NEGR1: variants seen among roughly 807,000 people sequenced by gnomAD.
NEGR1 encodes the protein neuronal growth regulator 1.
NEGR1 carries 10 observed loss-of-function variants against 40.9 expected under a neutral mutation model. That is an observed-to-expected ratio of 0.24 (90% CI 0.15 to 0.42). The LOEUF is 0.42. Ranked by LOEUF, NEGR1 falls within the 10% of genes least tolerant of loss-of-function variation. NEGR1 has a pLI of 1.00. For synonymous variants in NEGR1, 185 were observed against 166.8 expected (o/e 1.11, Z -0.84); for missense variants, 352 against 438.9 (o/e 0.80, Z 1.77).
chr1:71,750,010 G>A (rs774607605), intron 3 of NEGR1, among the ~76,000 whole-genome samples: 3 of 121,566 alleles, frequency 2.5e-5, no homozygotes, highest in African/African-American at 3.6e-5. Flanking sequence ...TTTTTGAGAC[G>A]GAGTCTCGCT....
chr1:72,061,994 T>C (rs1392730795), intron 1 of NEGR1, among the ~76,000 whole-genome samples: 1 of 151,860 alleles, frequency 6.6e-6, no homozygotes, highest in Non-Finnish European at 1.5e-5. Flanking sequence ...TTCCATCATA[T>C]GGATTTATCC....
chr1:71,632,707 C>T (rs551569817), intron 4 of NEGR1, among the ~76,000 whole-genome samples: 2 of 151,882 alleles, frequency 1.3e-5, no homozygotes, highest in Non-Finnish European at 2.9e-5. Context: ...CTCTAAATTA[C>T]AAAACATTTA....
chr1:72,047,008 A>G (rs1033679499), intron 1 of NEGR1, among the ~76,000 whole-genome samples: 3 of 151,634 alleles, frequency 2.0e-5, no homozygotes, highest in Non-Finnish European at 4.4e-5. Context: ...TGGTAAACAG[A>G]TTAAAAGAAA....
At chr1:71,720,025 T>C (rs1395364422) in intron 3 of NEGR1, among the ~76,000 whole-genome samples, 1 of 152,128 alleles carries the variant, frequency 6.6e-6, no homozygotes, top group African/African-American at 2.4e-5. Flanking sequence ...GTCATAGAAG[T>C]ATATAAATGG....
intron 1 of NEGR1, among the ~76,000 whole-genome samples, chr1:72,084,773 G>A (rs1052857039): frequency 2.6e-5 from 4 of 152,116 alleles, no homozygotes; most frequent in African/African-American, 9.7e-5. Flanking sequence ...CCTACCTTCA[G>A]AGAAACTCAT....
intron 6 of NEGR1, among the ~76,000 whole-genome samples, chr1:71,578,746 G>C (rs1170615011): frequency 6.6e-6 from 1 of 152,052 alleles, no homozygotes; most frequent in Non-Finnish European, 1.5e-5. Flanking sequence ...AAAAGTTAGG[G>C]AAGGTTATAT....
chr1:71,844,362 T>C (rs1448790804), intron 2 of NEGR1, among the ~76,000 whole-genome samples: 1 of 152,156 alleles, frequency 6.6e-6, no homozygotes, highest in Admixed American at 6.5e-5. Flanking sequence ...ACAACAGTGT[T>C]TAATGTTCCC....
At chr1:72,042,923 TG>T (rs1321872288) in intron 1 of NEGR1, among the ~76,000 whole-genome samples, 1 of 151,978 alleles carries the variant, frequency 6.6e-6, no homozygotes, top group Non-Finnish European at 1.5e-5. Context: ...GGGCTAGAGA[TG>T]GGGCTAAAAC....
intron 2 of NEGR1, among the ~76,000 whole-genome samples, chr1:71,833,498 A>T (rs1658910328): frequency 6.6e-6 from 1 of 152,100 alleles, no homozygotes; most frequent in Non-Finnish European, 1.5e-5. Context: ...GGGGGGAAAA[A>T]AGTATTTTTA....
At position 71,827,935 on chromosome 1, in the gene NEGR1, C is replaced by T. The variant is rs543510129; in HGVS notation, c.410-51638G>A. 1.7e-4 allele frequency among the ~76,000 whole-genome samples: 26 copies of T among 151,884 alleles called. No individual in the cohort carries two copies. In the East Asian group the frequency reaches 4.9e-3, roughly 29 times the overall value. Reference sequence around the variant, plus strand: ...GGAACCAAATGAAACGTCAGGTGAACAGTTAAGTAAATACGTATTTCATTT... The same window carrying T: ...GGAACCAAATGAAACGTCAGGTGAATAGTTAAGTAAATACGTATTTCATTT... On this transcript the variant is annotated intron_variant, in intron 2 of 6. Coordinates refer to ENST00000357731, the MANE Select transcript of NEGR1 (RefSeq NM_173808.3).
chr1:71,719,245 C>T (rs1438258706), intron 3 of NEGR1, among the ~76,000 whole-genome samples: 2 of 152,138 alleles, frequency 1.3e-5, no homozygotes, highest in Non-Finnish European at 2.9e-5. Flanking sequence ...TCTACACTTG[C>T]TACAGCTGAT....
At chr1:72,146,546 C>A (rs1219487956) in intron 1 of NEGR1, among the ~76,000 whole-genome samples, 1 of 151,656 alleles carries the variant, frequency 6.6e-6, no homozygotes, top group African/African-American at 2.4e-5. Context: ...CCCATATATA[C>A]AAACTTTGTT....
chr1:71,594,335 A>T (rs368422535), intron 5 of NEGR1, among the ~76,000 whole-genome samples: 82 of 152,314 alleles, frequency 5.4e-4, no homozygotes, highest in African/African-American at 1.6e-3. Flanking sequence ...TTTTTAAATT[A>T]TGAAAATGCT....
intron 2 of NEGR1, among the ~76,000 whole-genome samples, chr1:71,934,261 T>C (rs926248488): frequency 6.6e-6 from 1 of 152,110 alleles, no homozygotes; most frequent in African/African-American, 2.4e-5. Context: ...AGCATAATAA[T>C]TAAATTTTTC....
chr1:72,247,978 A>G (rs533272928), intron 1 of NEGR1, among the ~76,000 whole-genome samples: 2 of 152,204 alleles, frequency 1.3e-5, no homozygotes, highest in South Asian at 4.1e-4. Context: ...CAGGTGCATC[A>G]CGTGGTGAAA....
intron 1 of NEGR1, among the ~76,000 whole-genome samples, chr1:71,980,676 T>A (rs1646346926): frequency 6.6e-6 from 1 of 152,096 alleles, no homozygotes; most frequent in Non-Finnish European, 1.5e-5. Context: ...CATAACATAA[T>A]ATCACAAGGC....
intron 6 of NEGR1, among the ~76,000 whole-genome samples, chr1:71,427,170 C>T (rs78403032): frequency 3.3e-5 from 5 of 152,124 alleles, no homozygotes; most frequent in Non-Finnish European, 7.4e-5. Context: ...GATATTTCTC[C>T]GAGCCAAAAT....
At chr1:71,635,901 T>G (rs1490973797) in intron 4 of NEGR1, among the ~76,000 whole-genome samples, 2 of 152,052 alleles carry the variant, frequency 1.3e-5, no homozygotes, top group African/African-American at 4.8e-5. Flanking sequence ...GTATATTTTG[T>G]CATATTTTAG....
At chr1:71,578,201 T>C (rs1369742212) in intron 6 of NEGR1, among the ~76,000 whole-genome samples, 2 of 152,144 alleles carry the variant, frequency 1.3e-5, no homozygotes, top group Admixed American at 1.3e-4. Flanking sequence ...CTCAGCTCTC[T>C]CATCGTGCTC....
Sources: gnomAD v4.1 joint callset for allele counts (sites outside exome capture counted in the v4.1 genomes callset) on GRCh38, gnomAD v4.1.1 for gene constraint, MANE v1.5 for transcripts, NCBI Gene and HGNC (gene_info 2026-07-23, HGNC 2026-07-21) for gene names.